ZNF804A: variants seen among roughly 807,000 people sequenced by gnomAD.
The protein encoded by ZNF804A is zinc finger protein 804A.
A neutral mutation model predicts 16.5 loss-of-function variants in ZNF804A; 2 were observed. The ratio of observed to expected loss-of-function variants is 0.12; its 90% CI spans 0.05 to 0.38. The LOEUF (loss-of-function observed/expected upper bound fraction) is 0.38. Among genes scored for constraint, ZNF804A ranks in the 10% least tolerant of loss-of-function variants. The probability of loss-of-function intolerance (pLI) is 0.99; values close to 1 mark genes in which losing one functional copy is unlikely to be tolerated. For synonymous variants in ZNF804A, 534 were observed against 489.6 expected, an observed-to-expected ratio of 1.09 and a Z score of -1.20; for missense variants, 1,473 against 1,390.7, an observed-to-expected ratio of 1.06 and a Z score of -0.94.
At chr2:184,840,811 C>A (rs762186606) in intron 1 of ZNF804A, among the ~76,000 whole-genome samples, 19 of 152,202 alleles carry the variant, frequency 1.2e-4, no homozygotes, top group African/African-American at 4.3e-4. Flanking sequence ...TTATTCTTAA[C>A]TTCCTTCTCT....
At chr2:184,890,594 A>G (rs561164420) in intron 2 of ZNF804A, among the ~76,000 whole-genome samples, 2 of 152,120 alleles carry the variant, frequency 1.3e-5, no homozygotes, top group African/African-American at 4.8e-5. Context: ...TTGCTCAATC[A>G]TATATATTCT....
At chr2:184,738,775 A>C (rs1693671479) in intron 1 of ZNF804A, among the ~76,000 whole-genome samples, 1 of 152,240 alleles carries the variant, frequency 6.6e-6, no homozygotes, top group South Asian at 2.1e-4. Context: ...CAATGTGTAC[A>C]ACTGTGTGCT....
At chr2:184,705,827 C>CA (rs2105733868) in intron 1 of ZNF804A, among the ~76,000 whole-genome samples, 1 of 152,142 alleles carries the variant, frequency 6.6e-6, no homozygotes, top group Non-Finnish European at 1.5e-5. Flanking sequence ...GCTTAAAACA[C>CA]AAAAAATCAT....
intron 1 of ZNF804A, among the ~76,000 whole-genome samples, chr2:184,705,165 G>A (rs904918329): frequency 2.0e-5 from 3 of 152,256 alleles, no homozygotes; most frequent in Admixed American, 1.3e-4. Context: ...TGATAGTTGC[G>A]ATATTTTAGG....
At chr2:184,771,710 G>C (rs1285452973) in intron 1 of ZNF804A, among the ~76,000 whole-genome samples, 1 of 152,058 alleles carries the variant, frequency 6.6e-6, no homozygotes, top group Admixed American at 6.6e-5. Flanking sequence ...TATTGTTAGA[G>C]GACTGAGGCC....
intron 1 of ZNF804A, among the ~76,000 whole-genome samples, chr2:184,615,546 C>T (rs1294573937): frequency 2.0e-5 from 3 of 152,088 alleles, no homozygotes; most frequent in Admixed American, 6.6e-5. Flanking sequence ...ACCATAGTAA[C>T]AGGAACCTAC....
chr2:184,605,538 TACTTA>T (rs1328791955), intron 1 of ZNF804A, among the ~76,000 whole-genome samples: 2 of 152,152 alleles, frequency 1.3e-5, no homozygotes, highest in Non-Finnish European at 2.9e-5. Flanking sequence ...ATTGTATTTG[TACTTA>T]ACTTGTACAA....
rs75832810 is a variant in ZNF804A, at chr2:184,774,217, C to G, written c.112-92152C>G. Reference sequence around the variant, plus strand: ...GGTGATGATTAACTGCTTTTATTTGCTGTTGAATCGTAAACAAAATAAACA... The same window carrying G: ...GGTGATGATTAACTGCTTTTATTTGGTGTTGAATCGTAAACAAAATAAACA... On this transcript the variant is annotated intron_variant, in intron 1 of 3. Transcript: ENST00000302277. Among the ~76,000 whole-genome samples the G allele has an allele frequency of 2.0e-5, 3 of 151,838 alleles. No individual in the cohort carries two copies. In the East Asian group the frequency reaches 5.9e-4, roughly 30 times the overall value.
chr2:184,932,683 G>T (rs1685721791), intron 2 of ZNF804A, among the ~76,000 whole-genome samples: 1 of 152,112 alleles, frequency 6.6e-6, no homozygotes. Flanking sequence ...ATAATAACAT[G>T]AACCATTAGG....
At chr2:184,723,066 G>A (rs1693343932) in intron 1 of ZNF804A, among the ~76,000 whole-genome samples, 1 of 151,816 alleles carries the variant, frequency 6.6e-6, no homozygotes. Flanking sequence ...GATTTTTAGA[G>A]AAATCATCGA....
chr2:184,667,168 A>C (rs554685334), intron 1 of ZNF804A, among the ~76,000 whole-genome samples: 1 of 152,076 alleles, frequency 6.6e-6, no homozygotes, highest in South Asian at 2.1e-4. Flanking sequence ...TATTTTAAAT[A>C]AATGTTGCCT....
intron 1 of ZNF804A, among the ~76,000 whole-genome samples, chr2:184,632,966 T>G (rs1485849437): frequency 6.6e-6 from 1 of 152,198 alleles, no homozygotes; most frequent in Non-Finnish European, 1.5e-5. Context: ...TGATGTGTGA[T>G]TCTCTCATAT....
Position 184,776,106 on chromosome 2 carries a change from T to A in ZNF804A, c.112-90263T>A, listed in dbSNP as rs553882531. Reference sequence around the variant, plus strand: ...AATGCAGGGGTAATAAAAGAGGTAATGTTTATACCCTAACATAGTTTCTTA... The same window carrying A: ...AATGCAGGGGTAATAAAAGAGGTAAAGTTTATACCCTAACATAGTTTCTTA... On this transcript the variant is annotated intron_variant, in intron 1 of 3. Transcript: ENST00000302277. Among the ~76,000 whole-genome samples the A allele has an allele frequency of 4.6e-5, 7 of 151,738 alleles. No homozygotes were observed. In the South Asian group the frequency reaches 1.5e-3, roughly 32 times the overall value.
At chr2:184,884,447 C>A (rs1174759760) in intron 2 of ZNF804A, among the ~76,000 whole-genome samples, 1 of 151,682 alleles carries the variant, frequency 6.6e-6, no homozygotes, top group Non-Finnish European at 1.5e-5. Context: ...AGAAAAAAAA[C>A]TACTATAAAA....
chr2:184,701,855 T>C (rs1267900175), intron 1 of ZNF804A, among the ~76,000 whole-genome samples: 1 of 151,978 alleles, frequency 6.6e-6, no homozygotes, highest in Non-Finnish European at 1.5e-5. Context: ...AGTTATGTGA[T>C]TCCAGAATTT....
At chr2:184,827,653 A>G (rs1360606920) in intron 1 of ZNF804A, among the ~76,000 whole-genome samples, 1 of 151,248 alleles carries the variant, frequency 6.6e-6, no homozygotes, top group Non-Finnish European at 1.5e-5. Flanking sequence ...AGATGTTCAG[A>G]TAATGGAATC....
intron 2 of ZNF804A, among the ~76,000 whole-genome samples, chr2:184,912,353 G>T (rs1479315722): frequency 6.6e-6 from 1 of 151,790 alleles, no homozygotes. Context: ...ATTTATTATT[G>T]ATTGGAACTT....
chr2:184,790,654 A>C (rs1365584270), intron 1 of ZNF804A, among the ~76,000 whole-genome samples: 1 of 151,740 alleles, frequency 6.6e-6, no homozygotes, highest in East Asian at 1.9e-4. Flanking sequence ...CCCAGGCTGG[A>C]GTTCAGTGGA....
At chr2:184,795,199 A>G (rs1294966442) in intron 1 of ZNF804A, among the ~76,000 whole-genome samples, 1 of 152,182 alleles carries the variant, frequency 6.6e-6, no homozygotes, top group Non-Finnish European at 1.5e-5. Context: ...AATTAAAGAA[A>G]TGTGAAATTG....
Sources: gnomAD v4.1 joint callset for allele counts (sites outside exome capture counted in the v4.1 genomes callset) on GRCh38, gnomAD v4.1.1 for gene constraint, MANE v1.5 for transcripts, NCBI Gene and HGNC (gene_info 2026-07-23, HGNC 2026-07-21) for gene names.